The following TOM1 variants were observed in gnomAD, a reference collection of about 807,000 sequenced individuals.
The protein encoded by TOM1 is target of Myb protein 1.
Under a neutral mutation model 61.3 loss-of-function variants are expected in TOM1, and 38 were observed. The ratio of observed to expected loss-of-function variants is 0.62; its 90% CI spans 0.48 to 0.81. The LOEUF (loss-of-function observed/expected upper bound fraction) is 0.81, where lower values mean the gene tolerates loss of function less well. Among genes scored for constraint, TOM1 ranks in the 40% least tolerant of loss-of-function variants. The pLI, the probability that TOM1 is intolerant of heterozygous loss-of-function variation, is 0.00. For synonymous variants in TOM1, 270 were observed against 268.8 expected, an observed-to-expected ratio of 1.00 and a Z score of -0.04; for missense variants, 591 against 659.6, an observed-to-expected ratio of 0.90 and a Z score of 1.14.
chr22:35,337,183 G>A (rs554354096), intron 11 of TOM1, among the ~76,000 whole-genome samples: 4 of 152,134 alleles, frequency 2.6e-5, no homozygotes, highest in Non-Finnish European at 2.9e-5. Flanking sequence ...TGATCCGCGC[G>A]CCTTGGCCTC....
intron 1 of TOM1, 143 bp downstream of exon 1, chr22:35,300,123 C>A: frequency 1.1e-6 from 1 of 904,450 alleles, no homozygotes; most frequent in Non-Finnish European, 1.7e-6. Context: ...CTCCGCCCAG[C>A]TTTCCTCCCA....
Position 35,345,552 on chromosome 22 carries a change from C to T in TOM1, c.1225-173C>T, listed in dbSNP as rs542576138. ...TCCCCTGCTTAGTCTCCTGGCTCTG[C>T]ACCTCCATCACCCACAGCCTGGCAC... On this transcript the variant is annotated intron_variant, in intron 12 of 14. Transcript: ENST00000449058. 3.2e-5 allele frequency: 21 copies of T among 651,196 alleles called. No homozygotes were observed. The African/African-American group carries it at 3.6e-4, about 11-fold the overall frequency. The allele number at this position is 651,196 out of a possible 1,614,324, so 40.3% of individuals were successfully genotyped here. A position where few individuals can be genotyped will look rare whatever the true frequency, so the allele number is the denominator to read the frequency against.
At chr22:35,321,879 C>T in intron 2 of TOM1, 80 bp from the exon 3 acceptor site, 1 of 1,217,410 alleles carries the variant, frequency 8.2e-7, no homozygotes, top group South Asian at 1.2e-5. Context: ...CCAATAAGAA[C>T]TGTTCCAACT....
At chr22:35,301,813 GAC>G (rs1284667524) in intron 1 of TOM1, among the ~76,000 whole-genome samples, 1 of 152,092 alleles carries the variant, frequency 6.6e-6, no homozygotes, top group East Asian at 1.9e-4. Flanking sequence ...GCCCTCCCCG[GAC>G]ACACACCCAC....
At chr22:35,330,252 A>G in intron 7 of TOM1, 95 bp from the exon 8 acceptor site, 1 of 1,345,730 alleles carries the variant, frequency 7.4e-7, no homozygotes, top group Non-Finnish European at 1.0e-6. Context: ...ACTGCACTCC[A>G]GCCTGGGCGA....
At chr22:35,334,583 A>G in intron 11 of TOM1, 135 bp downstream of exon 11, 1 of 1,077,024 alleles carries the variant, frequency 9.3e-7, no homozygotes, top group East Asian at 2.5e-5. Context: ...AGTATCCCCT[A>G]AGTCAGTCCA....
intron 8 of TOM1, among the ~76,000 whole-genome samples, chr22:35,332,506 A>G (rs1928922117): frequency 6.6e-6 from 1 of 152,080 alleles, no homozygotes; most frequent in Non-Finnish European, 1.5e-5. Flanking sequence ...TTCTCGATCT[A>G]TCACACCGGC....
chr22:35,321,068 A>C (rs1353106345), intron 2 of TOM1, among the ~76,000 whole-genome samples: 1 of 151,332 alleles, frequency 6.6e-6, no homozygotes, highest in South Asian at 2.1e-4. Context: ...ACACTATGCT[A>C]GCTGGGCTCA....
intron 2 of TOM1, among the ~76,000 whole-genome samples, chr22:35,319,236 C>T (rs777394466): frequency 6.6e-6 from 1 of 152,118 alleles, no homozygotes; most frequent in Non-Finnish European, 1.5e-5. Context: ...GACAGCAAGC[C>T]CCCATGTCCC....
At chr22:35,343,618 TCTA>T (rs1217011120) in intron 12 of TOM1, among the ~76,000 whole-genome samples, 1 of 98,650 alleles carries the variant, frequency 1.0e-5, no homozygotes, top group African/African-American at 4.0e-5. Context: ...CACACACACA[TCTA>T]CACCCACACC....
intron 13 of TOM1, 112 bp downstream of exon 13, chr22:35,345,896 G>C (rs1235682162): frequency 1.7e-6 from 2 of 1,144,012 alleles, no homozygotes; most frequent in Non-Finnish European, 1.3e-6. Context: ...CCTGAGAGCA[G>C]AGGGGCACAC....
rs755034808 is a variant in TOM1 at position 35,323,596 on chromosome 22, T to C, written c.467T>C (p.Leu156Pro). ...RKGLEFPMTD[L>P]DMLSPIHTPQ... Reference sequence around the variant, plus strand: ...GGCCTGGAGTTCCCCATGACTGACCTGGACATGCTGTCACCCATCCACACA... The same window carrying C: ...GGCCTGGAGTTCCCCATGACTGACCCGGACATGCTGTCACCCATCCACACA... Residue 156 changes from leucine (L) to proline (P), a missense_variant, in exon 5 of 15, where the codon CTG becomes CCG. Leu to Pro is a moderately conservative substitution (Grantham distance 98). Transcript: ENST00000449058. The surrounding 1 kb of genome is among the most constrained non-coding windows in gnomAD (Gnocchi z 4.2). The C allele has an allele frequency of 6.8e-6, 11 of 1,613,934 alleles. No individual in the cohort carries two copies. The South Asian group carries it at 9.9e-5, about 14-fold the overall frequency.
intron 1 of TOM1, among the ~76,000 whole-genome samples, chr22:35,301,561 T>G (rs975076291): frequency 1.8e-4 from 28 of 152,226 alleles, no homozygotes; most frequent in African/African-American, 6.0e-4. Flanking sequence ...TGATGACGAC[T>G]TTTCGTCTTA....
chr22:35,326,606 A>T (rs550898559), intron 6 of TOM1, among the ~76,000 whole-genome samples: 21 of 152,198 alleles, frequency 1.4e-4, no homozygotes, highest in Non-Finnish European at 1.8e-4. Flanking sequence ...ATCCCAGTCC[A>T]CTAGGAGGAG....
chr22:35,337,831 T>C (rs1421940421), intron 11 of TOM1, among the ~76,000 whole-genome samples: 3 of 152,188 alleles, frequency 2.0e-5, no homozygotes, highest in Non-Finnish European at 4.4e-5. Flanking sequence ...GAGCCAGTGC[T>C]GAAGTCCTGT....
chr22:35,334,024 G>A (rs1291259899), intron 10 of TOM1, among the ~76,000 whole-genome samples: 1 of 152,036 alleles, frequency 6.6e-6, no homozygotes, highest in Non-Finnish European at 1.5e-5. Flanking sequence ...TGAAAAAATC[G>A]ACTACCCATC....
At chr22:35,309,955 A>T (rs982338255) in intron 1 of TOM1, among the ~76,000 whole-genome samples, 2 of 152,190 alleles carry the variant, frequency 1.3e-5, no homozygotes, top group African/African-American at 4.8e-5. Flanking sequence ...GGGGGTCTAG[A>T]AAAGCTAAAT....
intron 11 of TOM1, among the ~76,000 whole-genome samples, chr22:35,337,909 G>A (rs1929514680): frequency 6.6e-6 from 1 of 152,196 alleles, no homozygotes; most frequent in Non-Finnish European, 1.5e-5. Flanking sequence ...CCCAACACCT[G>A]CCCTGGGCAC....
intron 6 of TOM1, among the ~76,000 whole-genome samples, chr22:35,324,352 G>A (rs1433391004): frequency 1.3e-5 from 2 of 149,404 alleles, no homozygotes; most frequent in South Asian, 2.1e-4. Context: ...GGTTCAGGCA[G>A]GAGGATGGCT....
Sources: allele counts gnomAD v4.1 joint callset (sites outside exome capture counted in the v4.1 genomes callset), GRCh38; gene constraint gnomAD v4.1.1; non-coding constraint Gnocchi (gnomAD v3.1); transcripts MANE v1.5; gene names NCBI Gene and HGNC (gene_info 2026-07-23, HGNC 2026-07-21).